NLRC3: variants seen among roughly 807,000 people sequenced by gnomAD.
NLRC3 encodes the protein NLR family CARD domain-containing protein 3.
Under a neutral mutation model 91.6 loss-of-function variants are expected in NLRC3, and 87 were observed. The observed-to-expected ratio is 0.95, with a 90% CI of 0.80 to 1.14. NLRC3 has a LOEUF of 1.14. Ranked by LOEUF, NLRC3 falls within the 50% of genes most tolerant of loss-of-function variation. NLRC3 has a pLI of 0.00. For synonymous variants in NLRC3, 694 were observed against 625.3 expected (o/e 1.11, Z -1.64); for missense variants, 1,577 against 1,418.6 (o/e 1.11, Z -1.79).
In NLRC3 at chr16:3,564,363, G is replaced by A. The variant is rs61732414; in HGVS notation, c.574C>T (p.Arg192Ter). The A allele has an allele frequency of 3.1e-6, 5 of 1,612,144 alleles. 1 individual carries two copies. The highest frequency in any genetic ancestry group is 4.5e-5 in the East Asian group (2 of 44,866). ...TGCGGGAAGACCGAGCAGATGAGTC[G>A]GTCGGCACACAGCTTCTCGTGGGTG... ...LNTHEKLCAD[R>*]LICSVFPHVG... The change falls in exon 5 of 20, where the codon CGA becomes TGA. Residue 192 changes from arginine to a stop codon, truncating the protein, a stop_gained. Transcript: ENST00000359128. LOFTEE classifies it high-confidence loss of function. This position sits in a 1 kb window ranked among gnomAD's most constrained non-coding sequence, Gnocchi z 5.9.
At chr16:3,558,262 T>C (rs139718890) in intron 6 of NLRC3, among the ~76,000 whole-genome samples, 1 of 152,008 alleles carries the variant, frequency 6.6e-6, no homozygotes, top group Admixed American at 6.6e-5. Context: ...GCCTAGAAGG[T>C]TGAGGCTGCA....
intron 1 of NLRC3, among the ~76,000 whole-genome samples, chr16:3,567,765 C>A: frequency 1.1e-5 from 1 of 91,634 alleles, no homozygotes; most frequent in South Asian, 5.3e-4. Context: ...GAGCGAGACT[C>A]CATCTCAAAA....
chr16:3,564,776 G>C lies in NLRC3; in HGVS notation c.179-18C>G. On this transcript the variant is annotated intron_variant, in intron 4 of 19. Coordinates refer to ENST00000359128, the MANE Select transcript of NLRC3 (RefSeq NM_178844.4). This position sits in a 1 kb window ranked among gnomAD's most constrained non-coding sequence, Gnocchi z 5.9. ...CCTTGAGTCTGCGGGACAGAGGCCA[G>C]TGGGGAGGTCTGGTAAGGGAAGAGT... 6.4e-7 allele frequency: 1 copy of C among 1,568,180 alleles called. No homozygotes were observed. The highest frequency in any genetic ancestry group is 8.6e-7 in the Non-Finnish European group (1 of 1,160,676).
chr16:3,555,423 G>C, intron 8 of NLRC3, among the ~76,000 whole-genome samples: 1 of 152,126 alleles, frequency 6.6e-6, no homozygotes, highest in East Asian at 1.9e-4. Context: ...GTGATTGTGA[G>C]GGGCTGGGGA....
At chr16:3,576,029 G>T (rs2040277964) in intron 1 of NLRC3, among the ~76,000 whole-genome samples, 1 of 152,200 alleles carries the variant, frequency 6.6e-6, no homozygotes, top group South Asian at 2.1e-4. Flanking sequence ...GCCCTACCCT[G>T]CTCACTGCAT....
In NLRC3 at chr16:3,565,077, T is replaced by C. The variant is rs1477546938; in HGVS notation, c.-24-17A>G. The C allele has an allele frequency of 1.9e-6, 3 of 1,581,638 alleles. No individual in the cohort carries two copies. Among genetic ancestry groups the C allele is most frequent in the Non-Finnish European group, 2.6e-6 (3 of 1,162,282 alleles). On this transcript the variant is annotated splice_polypyrimidine_tract_variant and intron_variant, in intron 3 of 19. Coordinates refer to ENST00000359128, the MANE Select transcript of NLRC3 (RefSeq NM_178844.4). ...CTCCAGGAGCTGTGAAGAGAGGGCC[T>C]GAACCTGCTGCCTGCCGTGCCCCCC... is the stretch of plus-strand genomic sequence containing the variant.
At chr16:3,569,313 CAAAA>C (rs772111559) in intron 1 of NLRC3, among the ~76,000 whole-genome samples, 2 of 64,980 alleles carry the variant, frequency 3.1e-5, no homozygotes, top group South Asian at 4.9e-4. Flanking sequence ...GACACCATCT[CAAAA>C]AAAAAAAAAA....
At chr16:3,543,795 C>G (rs1460969680) in intron 16 of NLRC3, 6 of 445,158 alleles carry the variant, frequency 1.3e-5, no homozygotes, top group Non-Finnish European at 2.5e-5. Flanking sequence ...TTTGAGCCCC[C>G]AACTGCTAAT....
intron 1 of NLRC3, among the ~76,000 whole-genome samples, chr16:3,571,036 A>G (rs890585465): frequency 7.2e-5 from 11 of 152,216 alleles, no homozygotes; most frequent in Admixed American, 6.5e-5. Context: ...GAATAGATAC[A>G]TAAGTCAACA....
intron 17 of NLRC3, 109 bp from the exon 18 acceptor site, chr16:3,542,884 C>T (rs750543095): frequency 5.6e-5 from 39 of 702,362 alleles, no homozygotes; most frequent in Non-Finnish European, 8.7e-5. Context: ...AGGACTTCAG[C>T]AGTCACAGGA....
At chr16:3,559,679 C>T (rs1026523200) in intron 6 of NLRC3, among the ~76,000 whole-genome samples, 6 of 147,428 alleles carry the variant, frequency 4.1e-5, no homozygotes, top group African/African-American at 1.5e-4. Flanking sequence ...TGCTCTGTCA[C>T]CTCGGCTGGA....
Position 3,564,997 on chromosome 16 carries a change from G to A in NLRC3, c.40C>T (p.Gln14Ter), listed in dbSNP as rs1452720470. The A allele has an allele frequency of 1.2e-6, 2 of 1,610,534 alleles. No individual in the cohort carries two copies. Among genetic ancestry groups the A allele is most frequent in the South Asian group, 2.2e-5 (2 of 91,046 alleles). ...GCTGGGGAGCCCGTACCGTGGCCCT[G>A]GCCGGCCTCCCTGCCCGTCCGCACC... ...QEVRTGREAGQGHGTGSPAEQ... is the reference protein window; with the variant it reads ...QEVRTGREAG Residue 14 changes from glutamine (Q) to a stop codon, truncating the protein, a stop_gained, in exon 4 of 20, where the codon CAG becomes TAG. Transcript: ENST00000359128. LOFTEE classifies it high-confidence loss of function. This position sits in a 1 kb window ranked among gnomAD's most constrained non-coding sequence, Gnocchi z 5.9.
Position 3,540,460 on chromosome 16 carries a change from G to C in NLRC3, c.*1365C>G, listed in dbSNP as rs2038350924. The C allele has an allele frequency of 6.6e-6, 1 of 152,136 alleles. No individual in the cohort carries two copies. Among genetic ancestry groups the C allele is most frequent in the African/African-American group, 2.4e-5 (1 of 41,408 alleles). 9.4% of individuals were successfully genotyped at this position (152,136 alleles called of 1,614,324 possible). A position where few individuals can be genotyped will look rare whatever the true frequency, so the allele number is the denominator to read the frequency against. ...TGCCACATAGAGGCTCAGCTTGCCT[G>C]TCTCCATGGAAGCTGTGGCCACAGC... On this transcript the variant is annotated 3_prime_UTR_variant, in exon 20 of 20. Transcript: ENST00000359128.
rs755928390 is a variant in NLRC3, at chr16:3,563,990, A to G, written c.947T>C (p.Val316Ala). ...CAGGTACAGGGCCCTGTCAGCCTGC[A>G]CTTGGCTCAGCATCCAGCCCAGAAG... Reference protein sequence around the residue: ...QALLGWMLSQVQADRALYLMC... With the variant: ...QALLGWMLSQAQADRALYLMC... The change falls in exon 5 of 20, where the codon GTG becomes GCG. Residue 316 changes from valine (V) to alanine (A), a missense_variant. Coordinates refer to ENST00000359128, the MANE Select transcript of NLRC3 (RefSeq NM_178844.4). The G allele has an allele frequency of 8.7e-6, 14 of 1,606,948 alleles. 1 individual carries two copies. The Admixed American group carries it at 2.2e-4, about 25-fold the overall frequency.
chr16:3,550,291 G>A lies in NLRC3; in HGVS notation c.2435+123C>T, dbSNP rs947860047. The A allele has an allele frequency of 7.6e-6, 5 of 654,570 alleles. No homozygotes were observed. The African/African-American group carries it at 9.0e-5, about 12-fold the overall frequency. 40.5% of individuals were successfully genotyped at this position (654,570 alleles called of 1,614,324 possible). ...GGGCAGGGGCTACTGAGGACAGTGTGTGCCCAGGGTTAGTGTTGGCAGGGA... is the reference window on the plus strand; with the variant it reads ...GGGCAGGGGCTACTGAGGACAGTGTATGCCCAGGGTTAGTGTTGGCAGGGA... On this transcript the variant is annotated intron_variant, in intron 11 of 19. Coordinates refer to ENST00000359128, the MANE Select transcript of NLRC3 (RefSeq NM_178844.4).
intron 8 of NLRC3, among the ~76,000 whole-genome samples, chr16:3,556,409 G>A (rs1422733182): frequency 6.8e-6 from 1 of 147,188 alleles, no homozygotes; most frequent in Admixed American, 6.9e-5. Flanking sequence ...ACACACACAG[G>A]CTCAAGTCTA....
At chr16:3,571,728 T>C (rs368672856) in intron 1 of NLRC3, among the ~76,000 whole-genome samples, 1 of 151,114 alleles carries the variant, frequency 6.6e-6, no homozygotes, top group Non-Finnish European at 1.5e-5. Flanking sequence ...GATCACAAGG[T>C]CAAGAGATCA....
chr16:3,562,982 G>A, intron 5 of NLRC3, 27 bp downstream of exon 5: 1 of 1,542,806 alleles, frequency 6.5e-7, no homozygotes, highest in Non-Finnish European at 8.7e-7. Context: ...CCCTTCCCCA[G>A]CCCCTGCCCC....
At chr16:3,556,254 C>T (rs1304048596) in intron 8 of NLRC3, among the ~76,000 whole-genome samples, 1 of 128,908 alleles carries the variant, frequency 7.8e-6, no homozygotes, top group African/African-American at 2.9e-5. Flanking sequence ...TCGCTTAAAC[C>T]CAGGAGGCAG....
Sources: allele counts gnomAD v4.1 joint callset (sites outside exome capture counted in the v4.1 genomes callset), GRCh38; gene constraint gnomAD v4.1.1; non-coding constraint Gnocchi (gnomAD v3.1); transcripts MANE v1.5; gene names NCBI Gene and HGNC (gene_info 2026-07-23, HGNC 2026-07-21).